The following KCTD8 variants were observed in gnomAD, a reference collection of about 807,000 sequenced individuals.
The protein encoded by KCTD8 is potassium channel tetramerization domain containing 8, also known as BTB/POZ domain-containing protein KCTD8.
In KCTD8, 27 loss-of-function variants were observed where a neutral mutation model predicts 31.5. The ratio of observed to expected loss-of-function variants is 0.86; its 90% CI spans 0.63 to 1.18. The LOEUF is 1.18. KCTD8 is among the 50% of genes most tolerant of loss of function. The pLI is 0.00. For synonymous variants in KCTD8, 290 were observed against 280.0 expected, an observed-to-expected ratio of 1.04 and a Z score of -0.36; for missense variants, 658 against 647.7, an observed-to-expected ratio of 1.02 and a Z score of -0.17.
At chr4:44,355,181 A>T (rs1395475719) in intron 1 of KCTD8, among the ~76,000 whole-genome samples, 2 of 152,186 alleles carry the variant, frequency 1.3e-5, no homozygotes, top group African/African-American at 4.8e-5. Context: ...ACAAAGCATT[A>T]TTTAAAAATT....
chr4:44,407,103 GA>G (rs1222210310), intron 1 of KCTD8, among the ~76,000 whole-genome samples: 1 of 152,086 alleles, frequency 6.6e-6, no homozygotes. Flanking sequence ...TCTTCTGCAA[GA>G]AAAGTACTGT....
chr4:44,439,710 C>A (rs919735634), intron 1 of KCTD8, among the ~76,000 whole-genome samples: 2 of 151,980 alleles, frequency 1.3e-5, no homozygotes, highest in Admixed American at 6.6e-5. Context: ...TCAGATACTT[C>A]CTACATTTAA....
chr4:44,294,809 T>C (rs1166615461), intron 1 of KCTD8, among the ~76,000 whole-genome samples: 2 of 152,070 alleles, frequency 1.3e-5, no homozygotes, highest in Admixed American at 1.3e-4. Flanking sequence ...CAGATTAAGG[T>C]AGAGTTGATT....
chr4:44,421,459 T>A (rs1360120324), intron 1 of KCTD8, among the ~76,000 whole-genome samples: 1 of 152,128 alleles, frequency 6.6e-6, no homozygotes, highest in Non-Finnish European at 1.5e-5. Context: ...TCTGATTCAG[T>A]ATATCTCTTG....
intron 1 of KCTD8, among the ~76,000 whole-genome samples, chr4:44,419,207 G>A (rs4695719): frequency 0.85 from 128,621 of 152,186 alleles, 54,541 homozygotes; most frequent in South Asian, 0.9. Flanking sequence ...CTGAAGTAAA[G>A]GTGGGTGCAT....
At chr4:44,253,020 A>AT (rs1384289570) in intron 1 of KCTD8, among the ~76,000 whole-genome samples, 8 of 151,538 alleles carry the variant, frequency 5.3e-5, no homozygotes, top group Admixed American at 2.0e-4. Context: ...AAATTATTCA[A>AT]TTTTTTTTCC....
At chr4:44,225,980 C>T (rs1163286701) in intron 1 of KCTD8, among the ~76,000 whole-genome samples, 2 of 151,974 alleles carry the variant, frequency 1.3e-5, no homozygotes, top group Non-Finnish European at 2.9e-5. Flanking sequence ...GCCATCACGC[C>T]TGGCTAATTT....
chr4:44,221,517 C>G (rs1462775493), intron 1 of KCTD8, among the ~76,000 whole-genome samples: 1 of 152,130 alleles, frequency 6.6e-6, no homozygotes, highest in African/African-American at 2.4e-5. Flanking sequence ...AATAGGCCAT[C>G]TGCAAGCTGA....
At chr4:44,232,031 G>A (rs1425237573) in intron 1 of KCTD8, among the ~76,000 whole-genome samples, 2 of 151,938 alleles carry the variant, frequency 1.3e-5, no homozygotes, top group Non-Finnish European at 2.9e-5. Flanking sequence ...ACATATATAT[G>A]GCAGAAAGAT....
intron 1 of KCTD8, among the ~76,000 whole-genome samples, chr4:44,280,696 C>T (rs1054980299): frequency 2.0e-5 from 3 of 152,000 alleles, no homozygotes; most frequent in Admixed American, 6.6e-5. Context: ...TCTTTTTTCA[C>T]TCTAGAAGTT....
intron 1 of KCTD8, among the ~76,000 whole-genome samples, chr4:44,388,015 CAA>C (rs200165225): frequency 1.7e-4 from 23 of 135,614 alleles, no homozygotes; most frequent in South Asian, 9.2e-4. Flanking sequence ...AACAAATTTA[CAA>C]AAAAAAAAAA....
intron 1 of KCTD8, among the ~76,000 whole-genome samples, chr4:44,401,880 T>C (rs184337366): frequency 8.9e-4 from 136 of 152,294 alleles, no homozygotes; most frequent in African/African-American, 3.2e-3. Flanking sequence ...ATCAAATAAA[T>C]GGATTCTATT....
chr4:44,367,897 C>G (rs1374636841), intron 1 of KCTD8, among the ~76,000 whole-genome samples: 3 of 150,128 alleles, frequency 2.0e-5, no homozygotes, highest in Non-Finnish European at 3.0e-5. Flanking sequence ...AATGAATCGA[C>G]AGAGTAAAAA....
At chr4:44,435,054 T>G (rs1333941574) in intron 1 of KCTD8, among the ~76,000 whole-genome samples, 1 of 152,030 alleles carries the variant, frequency 6.6e-6, no homozygotes, top group East Asian at 1.9e-4. Context: ...TGCATAGAAC[T>G]TTCAACTTGT....
At position 44,447,859 on chromosome 4, in the gene KCTD8, T is replaced by A. The variant is rs1213447911; in HGVS notation, c.665A>T (p.Asp222Val). 2.5e-6 allele frequency: 4 copies of A among 1,575,480 alleles called. No individual in the cohort carries two copies. In the African/African-American group the frequency reaches 5.4e-5, roughly 21 times the overall value. ...GYRGSYTTVR[D>V]NQADAKFRRV... ...CCGGAATTTGGCGTCGGCCTGGTTG[T>A]CGCGCACGGTGGTGTAGGAGCCCCG... Residue 222 changes from aspartate to valine, a missense_variant, in exon 1 of 2, where the codon GAC (aspartate) becomes GTC (valine). By Grantham distance (152) the Asp-to-Val change is radical. Transcript: ENST00000360029.
intron 1 of KCTD8, among the ~76,000 whole-genome samples, chr4:44,238,240 T>C (rs1053145695): frequency 1.3e-5 from 2 of 152,052 alleles, no homozygotes; most frequent in African/African-American, 4.8e-5. Flanking sequence ...CTCTTTCAGC[T>C]TGAGCTTTAC....
Position 44,356,952 on chromosome 4 carries a change from C to T in KCTD8, c.961+90611G>A, listed in dbSNP as rs191963621. 2.6e-5 allele frequency among the ~76,000 whole-genome samples: 4 copies of T among 152,094 alleles called. No individual in the cohort carries two copies. The East Asian group carries it at 7.7e-4, about 29-fold the overall frequency. ...ACTCAAAATGCTTCCATATTTAGAA[C>T]AATATTTTGAAAACTGTAACATTCC... is the stretch of plus-strand genomic sequence containing the variant. On this transcript the variant is annotated intron_variant, in intron 1 of 1. Transcript: ENST00000360029.
At chr4:44,367,683 A>G (rs1398314530) in intron 1 of KCTD8, among the ~76,000 whole-genome samples, 2 of 152,110 alleles carry the variant, frequency 1.3e-5, no homozygotes, top group African/African-American at 4.8e-5. Context: ...ATAGAAAAAA[A>G]TGACAGTGTT....
At chr4:44,189,982 T>G (rs754933528) in intron 1 of KCTD8, among the ~76,000 whole-genome samples, 1 of 152,166 alleles carries the variant, frequency 6.6e-6, no homozygotes, top group Non-Finnish European at 1.5e-5. Context: ...GTCCTCTTGA[T>G]ACTTTGATAA....
Sources: allele counts gnomAD v4.1 joint callset (sites outside exome capture counted in the v4.1 genomes callset), GRCh38; gene constraint gnomAD v4.1.1; transcripts MANE v1.5; gene names NCBI Gene and HGNC (gene_info 2026-07-23, HGNC 2026-07-21).